The following TENM1 variants were observed in gnomAD, a reference collection of about 807,000 sequenced individuals.
TENM1 encodes teneurin transmembrane protein 1.
TENM1 carries 35 observed loss-of-function variants against 174.8 expected under a neutral mutation model. The ratio of observed to expected loss-of-function variants is 0.20; its 90% CI spans 0.15 to 0.27. The LOEUF (loss-of-function observed/expected upper bound fraction) is 0.27. Among genes scored for constraint, TENM1 ranks in the 10% least tolerant of loss-of-function variants. TENM1 has a pLI of 1.00. For synonymous variants in TENM1, 781 were observed against 798.7 expected (o/e 0.98, Z 0.37); for missense variants, 1,633 against 2,130.1 (o/e 0.77, Z 4.59).
intron 22 of TENM1, 37 bp downstream of exon 25, chrX:124,481,695 G>GTATATATATATATATATA (rs761348190): frequency 3.4e-4 from 89 of 263,820 alleles, no homozygotes; most frequent in Middle Eastern, 2.5e-3. Context: ...TGACCCAAGG[G>GTATATATATATATATATA]TATATATATA....
chrX:124,489,049 C>G (rs912436476), intron 20 of TENM1, among the ~76,000 whole-genome samples: 1 of 112,481 alleles, frequency 8.9e-6, no homozygotes, highest in Admixed American at 9.4e-5. Flanking sequence ...TGTTCTGTCT[C>G]AGAATTACTT....
chrX:124,502,646 T>G (rs1296215331), intron 19 of TENM1, among the ~76,000 whole-genome samples: 1 of 112,095 alleles, frequency 8.9e-6, no homozygotes, highest in Non-Finnish European at 1.9e-5. Context: ...TATCTCAGCC[T>G]GAATCTTTGC....
Position 124,481,709 on chromosome X carries a change from ATATT to A in TENM1, c.3949+19_3949+22del, listed in dbSNP as rs762229071. 1.4e-3 allele frequency: 565 copies of A among 400,419 alleles called. 13 individuals are homozygous for A. Among genetic ancestry groups the A allele is most frequent in the Admixed American group, 2.6e-3 (58 of 22,021 alleles). 33.0% of individuals were successfully genotyped at this position (400,419 alleles called of 1,213,427 possible). On this transcript the variant is annotated intron_variant, in intron 22 of 31. Transcript: ENST00000422452. ...ATGACCCAAGGGTATATATATATAT[ATATT>A]TATTTATTTATTTTTTACCTCGAGG... is the stretch of plus-strand genomic sequence containing the variant.
exon 32 of TENM1, chrX:124,377,170 G>A (rs1033863896): frequency 9.0e-6 from 1 of 110,526 alleles, no homozygotes; most frequent in Non-Finnish European, 1.9e-5. Context: ...TAACATGATG[G>A]AATGCTTGAA....
intron 11 of TENM1, among the ~76,000 whole-genome samples, chrX:124,613,329 C>T (rs1290972371): frequency 9.1e-6 from 1 of 110,486 alleles, no homozygotes; most frequent in African/African-American, 3.3e-5. Flanking sequence ...TGTGAAAATC[C>T]AGGAAAGGGA....
chrX:124,565,392 C>T, exon 12 of TENM1: 1 of 1,197,035 alleles, frequency 8.4e-7, no homozygotes. Context: ...GCAGTGGTCG[C>T]CCTCCCATCC....
chrX:124,789,907 A>G (rs1005762421), intron 3 of TENM1, among the ~76,000 whole-genome samples: 2 of 111,539 alleles, frequency 1.8e-5, no homozygotes, highest in Non-Finnish European at 1.9e-5. Flanking sequence ...ACTGGTACCA[A>G]TTTACTGTAT....
At chrX:124,614,393 C>T (rs1370711614) in intron 11 of TENM1, among the ~76,000 whole-genome samples, 2 of 112,091 alleles carry the variant, frequency 1.8e-5, no homozygotes, top group African/African-American at 6.5e-5. Flanking sequence ...GTTAATACAT[C>T]TACCTCCCAG....
chrX:125,022,542 G>A, the TENM1 span, among the ~76,000 whole-genome samples: 707 of 111,851 alleles, frequency 6.3e-3, 3 homozygotes, highest in African/African-American at 0.021. Context: ...TGTAAGTAGA[G>A]TTTGATCCTT....
the TENM1 span, among the ~76,000 whole-genome samples, chrX:125,127,302 C>T: frequency 1.8e-5 from 2 of 111,525 alleles, no homozygotes; most frequent in Non-Finnish European, 3.8e-5. Context: ...TGGAGAAATT[C>T]GACTTAGTAT....
intron 15 of TENM1, among the ~76,000 whole-genome samples, chrX:124,541,617 T>C (rs191427995): frequency 1.1e-3 from 119 of 112,046 alleles, no homozygotes; most frequent in African/African-American, 3.7e-3. Flanking sequence ...CAGTCTCCAG[T>C]ATTTCTTTAT....
chrX:124,646,731 G>A, exon 9 of TENM1: 1 of 1,203,425 alleles, frequency 8.3e-7, no homozygotes, highest in Non-Finnish European at 1.1e-6. Flanking sequence ...CAGGTCCAAG[G>A]AATCCTGGGA....
the TENM1 span, among the ~76,000 whole-genome samples, chrX:125,186,601 A>ACTCT: frequency 9.0e-5 from 9 of 100,078 alleles, no homozygotes; most frequent in Non-Finnish European, 1.2e-4. Flanking sequence ...CCTGGCACAC[A>ACTCT]CTCTCTCTCT....
chrX:125,036,483 T>G, the TENM1 span, among the ~76,000 whole-genome samples: 1 of 111,163 alleles, frequency 9.0e-6, no homozygotes, highest in African/African-American at 3.3e-5. Flanking sequence ...GAGTTTGGCT[T>G]TAATAGTGTT....
chrX:124,498,319 C>A (rs1422648228), intron 19 of TENM1, among the ~76,000 whole-genome samples: 1 of 111,255 alleles, frequency 9.0e-6, no homozygotes, highest in African/African-American at 3.3e-5. Flanking sequence ...GTCTCCTGGT[C>A]TCCATGCATA....
intron 1 of TENM1, among the ~76,000 whole-genome samples, chrX:124,909,253 T>C (rs946680606): frequency 2.0e-4 from 22 of 112,395 alleles, no homozygotes; most frequent in Admixed American, 1.3e-3. Context: ...CAATGCTAAC[T>C]TGGAACCATT....
intron 3 of TENM1, among the ~76,000 whole-genome samples, chrX:124,746,087 C>G (rs2053912034): frequency 8.9e-6 from 1 of 112,132 alleles, no homozygotes; most frequent in Non-Finnish European, 1.9e-5. Flanking sequence ...ATATCTCCCA[C>G]ATACAACCCA....
At chrX:124,969,926 T>C in the TENM1 span, among the ~76,000 whole-genome samples, 1 of 112,136 alleles carries the variant, frequency 8.9e-6, no homozygotes, top group Admixed American at 9.5e-5. Flanking sequence ...GAAGTTTAGA[T>C]TGATTTGCAA....
intron 3 of TENM1, among the ~76,000 whole-genome samples, chrX:124,802,538 G>C (rs1392527818): frequency 2.7e-5 from 3 of 110,842 alleles, no homozygotes; most frequent in Non-Finnish European, 5.7e-5. Flanking sequence ...TGGCTGGGGG[G>C]CTGGGGGCTC....
Sources: allele counts gnomAD v4.1 joint callset (sites outside exome capture counted in the v4.1 genomes callset), GRCh38; gene constraint gnomAD v4.1.1; transcripts MANE v1.5; gene names NCBI Gene and HGNC (gene_info 2026-07-23, HGNC 2026-07-21).